Variants in HNF4G observed in about 807,000 individuals in gnomAD.
HNF4G encodes hepatocyte nuclear factor 4-gamma.
HNF4G carries 21 observed loss-of-function variants against 50.9 expected under a neutral mutation model. That is an observed-to-expected ratio of 0.41 (90% CI 0.29 to 0.59). HNF4G has a LOEUF of 0.59. Among genes scored for constraint, HNF4G ranks in the 20% least tolerant of loss-of-function variants. The pLI is 0.26. For missense variants in HNF4G, 527 were observed against 559.4 expected (o/e 0.94, Z 0.58); for synonymous variants, 198 against 185.6 (o/e 1.07, Z -0.54).
At position 75,534,260 on chromosome 8, in the gene HNF4G, C is replaced by T. The variant is rs1456585439; in HGVS notation, c.-23-9551C>T. ...TCAAATCCTAACATGTTCCTTATAT[C>T]CACACTTCAGTTTCCTTACCAGTAT... On this transcript the variant is annotated intron_variant, in intron 2 of 10. Transcript: ENST00000354370. Among the ~76,000 whole-genome samples, 3 of 151,978 alleles carry T rather than the reference C, an allele frequency of 2.0e-5. No individual in the cohort carries two copies. The South Asian group carries it at 6.2e-4, about 32-fold the overall frequency.
chr8:75,449,589 C>G (rs1402045826), intron 1 of HNF4G, among the ~76,000 whole-genome samples: 1 of 147,042 alleles, frequency 6.8e-6, no homozygotes, highest in Non-Finnish European at 1.5e-5. Flanking sequence ...TCACTGCAAG[C>G]TCCGCCTCCA....
intron 2 of HNF4G, among the ~76,000 whole-genome samples, chr8:75,516,046 A>C (rs1034899010): frequency 2.6e-5 from 4 of 152,178 alleles, no homozygotes; most frequent in African/African-American, 7.2e-5. Flanking sequence ...TTACAGGCGC[A>C]AGCTACTGCG....
intron 1 of HNF4G, among the ~76,000 whole-genome samples, chr8:75,420,583 A>G (rs1810753274): frequency 6.6e-6 from 1 of 152,218 alleles, no homozygotes; most frequent in Non-Finnish European, 1.5e-5. Context: ...TGTGTTCAAT[A>G]TTCCTTCCAA....
At chr8:75,415,739 AG>A (rs1426847496) in intron 1 of HNF4G, among the ~76,000 whole-genome samples, 1 of 151,362 alleles carries the variant, frequency 6.6e-6, no homozygotes, top group Non-Finnish European at 1.5e-5. Flanking sequence ...TTGGGGTTTA[AG>A]CCAATGCCTT....
intron 1 of HNF4G, among the ~76,000 whole-genome samples, chr8:75,488,042 C>T (rs986803035): frequency 2.6e-5 from 4 of 152,184 alleles, no homozygotes; most frequent in Non-Finnish European, 5.9e-5. Flanking sequence ...TCAATTACCT[C>T]CCACCAGATC....
chr8:75,542,480 C>G (rs1405204777), intron 1 of HNF4G, among the ~76,000 whole-genome samples: 1 of 133,490 alleles, frequency 7.5e-6, no homozygotes, highest in Non-Finnish European at 1.5e-5. Context: ...TCTTTCCAGA[C>G]AGAAGGAACA....
intron 2 of HNF4G, among the ~76,000 whole-genome samples, chr8:75,522,529 A>G (rs1233209670): frequency 3.3e-5 from 5 of 152,198 alleles, no homozygotes; most frequent in Non-Finnish European, 7.3e-5. Flanking sequence ...TTGTAGGTCA[A>G]ATTTTCTCAA....
At chr8:75,474,566 G>T (rs1812194134) in intron 1 of HNF4G, among the ~76,000 whole-genome samples, 1 of 152,054 alleles carries the variant, frequency 6.6e-6, no homozygotes, top group Non-Finnish European at 1.5e-5. Context: ...AATTACAAAT[G>T]TCTGAAATAT....
upstream of HNF4G, among the ~76,000 whole-genome samples, chr8:75,538,186 G>T (rs1341367174): frequency 6.6e-6 from 1 of 152,002 alleles, no homozygotes; most frequent in African/African-American, 2.4e-5. Context: ...AACATGCATG[G>T]GGCACAGGTT....
At chr8:75,559,574 A>AT (rs1211902659) in intron 8 of HNF4G, among the ~76,000 whole-genome samples, 1 of 152,038 alleles carries the variant, frequency 6.6e-6, no homozygotes, top group African/African-American at 2.4e-5. Flanking sequence ...ACCCAGCCTG[A>AT]AACCCCCATT....
upstream of HNF4G, among the ~76,000 whole-genome samples, chr8:75,539,443 C>CA (rs2130781432): frequency 1.3e-5 from 2 of 152,258 alleles, no homozygotes; most frequent in South Asian, 4.1e-4. Flanking sequence ...CTTTATTGTA[C>CA]ATTTAAGAAA....
chr8:75,548,747 A>G (rs1044456877), intron 3 of HNF4G, among the ~76,000 whole-genome samples: 1 of 152,200 alleles, frequency 6.6e-6, no homozygotes. Context: ...TCACAAACTA[A>G]AATAATCAAA....
chr8:75,509,409 C>T (rs1352743719), intron 2 of HNF4G, among the ~76,000 whole-genome samples: 1 of 152,138 alleles, frequency 6.6e-6, no homozygotes, highest in Non-Finnish European at 1.5e-5. Flanking sequence ...GGGAGACTAA[C>T]AGGAATTCTG....
rs757750140 is a variant in HNF4G, at chr8:75,544,243, G to A, written c.287+264G>A. ...CCCAGCTTAGACCAATATAGTTGAA[G>A]CCTTTAATGGACACCTCCTCTGTCA... is the stretch of plus-strand genomic sequence containing the variant. On this transcript the variant is annotated intron_variant, in intron 2 of 9. Transcript: ENST00000396423. Among the ~76,000 whole-genome samples, 84 of 152,252 alleles carry A rather than the reference G, an allele frequency of 5.5e-4. 1 individual carries two copies. Among genetic ancestry groups the A allele is most frequent in the Non-Finnish European group, 4.4e-4 (30 of 68,020 alleles).
chr8:75,504,258 C>A (rs1362518833), intron 2 of HNF4G, among the ~76,000 whole-genome samples: 1 of 148,970 alleles, frequency 6.7e-6, no homozygotes, highest in South Asian at 2.1e-4. Context: ...CACACACACA[C>A]ACACACACAC....
chr8:75,450,779 G>A (rs1811565588), intron 1 of HNF4G, among the ~76,000 whole-genome samples: 1 of 152,162 alleles, frequency 6.6e-6, no homozygotes, highest in Non-Finnish European at 1.5e-5. Context: ...AACTTTTAGA[G>A]GCGTTTAAGT....
intron 1 of HNF4G, among the ~76,000 whole-genome samples, chr8:75,451,972 T>C (rs1811596719): frequency 1.3e-5 from 2 of 152,298 alleles, no homozygotes; most frequent in African/African-American, 4.8e-5. Flanking sequence ...CCCAGGCACC[T>C]AAGTAGCAAA....
At position 75,551,373 on chromosome 8, in the gene HNF4G, GT is replaced by G. The variant is rs748456651; in HGVS notation, c.383-9del. 8.8e-5 allele frequency: 132 copies of G among 1,503,318 alleles called. No individual in the cohort carries two copies. The highest frequency in any genetic ancestry group is 1.1e-4 in the Non-Finnish European group (121 of 1,079,742). The allele number at this position is 1,503,318 out of a possible 1,614,324, so 93.1% of individuals were successfully genotyped here. A position where few individuals can be genotyped will look rare whatever the true frequency, so the allele number is the denominator to read the frequency against. ...AAGAGAAGTGCTCAATAAATACTGT[GT>G]TTTTTCCCCCTAGCTGTACAAAATG... On this transcript the variant is annotated splice_polypyrimidine_tract_variant and intron_variant, in intron 3 of 9. Coordinates refer to ENST00000396423, the MANE Select transcript of HNF4G (RefSeq NM_004133.5).
chr8:75,481,212 A>G (rs1490563647), intron 1 of HNF4G, among the ~76,000 whole-genome samples: 1 of 152,230 alleles, frequency 6.6e-6, no homozygotes, highest in Non-Finnish European at 1.5e-5. Flanking sequence ...GGACTATATT[A>G]CATCTGAAAT....
Sources: allele counts gnomAD v4.1 joint callset (sites outside exome capture counted in the v4.1 genomes callset), GRCh38; gene constraint gnomAD v4.1.1; transcripts MANE v1.5; gene names NCBI Gene and HGNC (gene_info 2026-07-23, HGNC 2026-07-21).